The following BAIAP2L1 variants were observed in gnomAD, a reference collection of about 807,000 sequenced individuals.
BAIAP2L1 encodes BAR/IMD domain-containing adapter protein 2-like 1.
Under a neutral mutation model 66.3 loss-of-function variants are expected in BAIAP2L1, and 35 were observed. The ratio of observed to expected loss-of-function variants is 0.53; its 90% CI spans 0.40 to 0.70. The LOEUF is 0.70. Among genes scored for constraint, BAIAP2L1 ranks in the 30% least tolerant of loss-of-function variants. The pLI is 0.00. For synonymous variants in BAIAP2L1, 269 were observed against 248.7 expected, an observed-to-expected ratio of 1.08 and a Z score of -0.77; for missense variants, 622 against 656.9, an observed-to-expected ratio of 0.95 and a Z score of 0.58.
chr7:98,312,527 T>C (rs553911875), intron 7 of BAIAP2L1, among the ~76,000 whole-genome samples: 1 of 152,182 alleles, frequency 6.6e-6, no homozygotes, highest in East Asian at 1.9e-4. Flanking sequence ...ACGGGGATGG[T>C]AAATGGTTAA....
intron 7 of BAIAP2L1, 76 bp downstream of exon 7, chr7:98,315,384 C>T (rs368389931): frequency 2.4e-5 from 31 of 1,280,306 alleles, no homozygotes; most frequent in East Asian, 1.4e-4. Context: ...GCGTGGGCCA[C>T]GGCCCAGCCT....
chr7:98,391,708 CA>C (rs35659859), intron 1 of BAIAP2L1, among the ~76,000 whole-genome samples: 24,313 of 99,362 alleles, frequency 0.24, 1,669 homozygotes, highest in African/African-American at 0.34. Context: ...GACTCCGTCT[CA>C]AAAAAAAAAA....
At chr7:98,298,901 G>A (rs1337472171) in intron 12 of BAIAP2L1, among the ~76,000 whole-genome samples, 2 of 152,094 alleles carry the variant, frequency 1.3e-5, no homozygotes, top group African/African-American at 4.8e-5. Context: ...CAGTGCAGTG[G>A]CACAATGACA....
chr7:98,327,356 G>GTAAA (rs57971788), intron 3 of BAIAP2L1, among the ~76,000 whole-genome samples: 63,873 of 142,184 alleles, frequency 0.45, 15,198 homozygotes, highest in Middle Eastern at 0.62. Flanking sequence ...GCAAGACCTT[G>GTAAA]TAAATAAATA....
chr7:98,398,314 G>A (rs537130259), intron 1 of BAIAP2L1, among the ~76,000 whole-genome samples: 1 of 152,052 alleles, frequency 6.6e-6, no homozygotes, highest in African/African-American at 2.4e-5. Flanking sequence ...GCTGGATAGG[G>A]GGAAGAACCC....
At chr7:98,376,032 A>G (rs921933409) in intron 1 of BAIAP2L1, among the ~76,000 whole-genome samples, 5 of 152,206 alleles carry the variant, frequency 3.3e-5, no homozygotes, top group Non-Finnish European at 4.4e-5. Flanking sequence ...AAATCCTTAA[A>G]TGGTATCACA....
rs535335907 is a variant in BAIAP2L1, at chr7:98,338,507, C to T, written c.214+16535G>A. Among the ~76,000 whole-genome samples the T allele has an allele frequency of 3.3e-5, 5 of 151,938 alleles. 1 individual carries two copies. The South Asian group carries it at 1.0e-3, about 32-fold the overall frequency. On this transcript the variant is annotated intron_variant, in intron 3 of 13. Coordinates refer to ENST00000005260, the MANE Select transcript of BAIAP2L1 (RefSeq NM_018842.5). ...ATGAAGCCTCAAAATCTGCCTTCTC[C>T]CTTGAAGCCTCAAAATCTGCTTTCT...
intron 3 of BAIAP2L1, among the ~76,000 whole-genome samples, chr7:98,353,114 A>G (rs1562781284): frequency 6.6e-6 from 1 of 151,854 alleles, no homozygotes; most frequent in Non-Finnish European, 1.5e-5. Flanking sequence ...ACTACAGTTC[A>G]GTCCTCGCTG....
chr7:98,341,017 T>C (rs1208126248), intron 3 of BAIAP2L1, among the ~76,000 whole-genome samples: 1 of 149,918 alleles, frequency 6.7e-6, no homozygotes, highest in Non-Finnish European at 1.5e-5. Context: ...ACCTTTCTAA[T>C]TATTCTAGCT....
At chr7:98,327,218 G>A (rs1050967763) in intron 3 of BAIAP2L1, among the ~76,000 whole-genome samples, 1 of 152,000 alleles carries the variant, frequency 6.6e-6, no homozygotes, top group Non-Finnish European at 1.5e-5. Context: ...AAAATTAGTC[G>A]GGTGTGGTGG....
At chr7:98,313,677 G>A (rs1800962022) in intron 7 of BAIAP2L1, among the ~76,000 whole-genome samples, 1 of 152,108 alleles carries the variant, frequency 6.6e-6, no homozygotes, top group African/African-American at 2.4e-5. Flanking sequence ...GGAGTGCACT[G>A]GCACAATCAC....
At chr7:98,329,949 G>T (rs1393738133) in intron 3 of BAIAP2L1, among the ~76,000 whole-genome samples, 6 of 152,176 alleles carry the variant, frequency 3.9e-5, no homozygotes, top group African/African-American at 1.4e-4. Flanking sequence ...GAAAACCAAA[G>T]ACAACAGCAG....
intron 5 of BAIAP2L1, among the ~76,000 whole-genome samples, chr7:98,318,594 A>ACGGACCCG (rs1801150550): frequency 6.6e-6 from 1 of 151,704 alleles, no homozygotes; most frequent in Non-Finnish European, 1.5e-5. Context: ...AGGGTCTTAA[A>ACGGACCCG]CGGACCCGCG....
At chr7:98,359,598 G>A (rs1802218564) in intron 2 of BAIAP2L1, among the ~76,000 whole-genome samples, 1 of 151,998 alleles carries the variant, frequency 6.6e-6, no homozygotes, top group South Asian at 2.1e-4. Context: ...GCGTGCAGTA[G>A]TGTCTGCCTG....
intron 2 of BAIAP2L1, among the ~76,000 whole-genome samples, chr7:98,356,769 G>A (rs1373946475): frequency 1.3e-5 from 2 of 149,022 alleles, no homozygotes; most frequent in African/African-American, 4.9e-5. Flanking sequence ...TTGAGCCCAA[G>A]AGTTTGAGAC....
At chr7:98,378,131 A>C (rs977638741) in intron 1 of BAIAP2L1, among the ~76,000 whole-genome samples, 1 of 152,286 alleles carries the variant, frequency 6.6e-6, no homozygotes, top group African/African-American at 2.4e-5. Context: ...CCTGGGTGAC[A>C]GAGTAAGACT....
At position 98,312,189 on chromosome 7, in the gene BAIAP2L1, T is replaced by C. The variant is rs779100540; in HGVS notation, c.715A>G (p.Ile239Val). 3.1e-6 allele frequency: 5 copies of C among 1,613,974 alleles called. No homozygotes were observed. The African/African-American group carries it at 6.7e-5, about 22-fold the overall frequency. Residue 239 changes from isoleucine to valine, a missense_variant, in exon 8 of 14, where the codon ATC becomes GTC. Ile to Val is a conservative substitution (Grantham distance 29). Coordinates refer to ENST00000005260, the MANE Select transcript of BAIAP2L1 (RefSeq NM_018842.5). ...TTTATTTCTTCGATCATATTCATGA[T>C]TTTCTCTGGCACTTTGATGGCATCA... The part of the protein sequence containing the change: ...CVDAIKVPEK[I>V]MNMIEEIKTP...
rs1246187118 is a variant in BAIAP2L1 at position 98,380,795 on chromosome 7, C to G, written c.52-18363G>C. Among the ~76,000 whole-genome samples, 4 of 150,836 alleles carry G rather than the reference C, an allele frequency of 2.7e-5. No individual in the cohort carries two copies. The South Asian group carries it at 6.3e-4, about 24-fold the overall frequency. On this transcript the variant is annotated intron_variant, in intron 1 of 13. Coordinates refer to ENST00000005260, the MANE Select transcript of BAIAP2L1 (RefSeq NM_018842.5). ...ACCACCACCACCGCCACTACCACCA[C>G]CACCATCGCCACCACCCAACCACCC...
chr7:98,315,289 T>TG (rs1309869832), intron 7 of BAIAP2L1, among the ~76,000 whole-genome samples, 171 bp downstream of exon 7: 1 of 148,662 alleles, frequency 6.7e-6, no homozygotes, highest in Non-Finnish European at 1.5e-5. Flanking sequence ...GCCTGGCTAG[T>TG]TTTTTTTTTA....
Sources: gnomAD v4.1 joint callset for allele counts (sites outside exome capture counted in the v4.1 genomes callset) on GRCh38, gnomAD v4.1.1 for gene constraint, MANE v1.5 for transcripts, NCBI Gene and HGNC (gene_info 2026-07-23, HGNC 2026-07-21) for gene names.